The following DAB1 variants were observed in gnomAD, a reference collection of about 807,000 sequenced individuals.
DAB1 encodes DAB adaptor protein 1, also known as disabled homolog 1.
DAB1 carries 15 observed loss-of-function variants against 64.6 expected under a neutral mutation model. That is an observed-to-expected ratio of 0.23 (90% CI 0.16 to 0.36). The LOEUF is 0.36. DAB1 is among the 10% of genes least tolerant of loss of function. The pLI, the probability that DAB1 is intolerant of heterozygous loss-of-function variation, is 1.00. For missense variants in DAB1, 596 were observed against 706.7 expected (o/e 0.84, Z 1.78); for synonymous variants, 235 against 251.9 (o/e 0.93, Z 0.64).
intron 2 of DAB1, among the ~76,000 whole-genome samples, chr1:57,216,685 A>G (rs1557957882): frequency 6.6e-6 from 1 of 152,238 alleles, no homozygotes; most frequent in Non-Finnish European, 1.5e-5. Flanking sequence ...CACTATATTT[A>G]CAATCATCCC....
chr1:58,330,913 A>G (rs948162828), intron 4 of DAB1, among the ~76,000 whole-genome samples: 3 of 152,214 alleles, frequency 2.0e-5, no homozygotes, highest in African/African-American at 7.2e-5. Context: ...ATGCCTGCTA[A>G]CACAACATTC....
intron 1 of DAB1, among the ~76,000 whole-genome samples, chr1:57,322,676 T>C (rs1675816913): frequency 6.6e-6 from 1 of 152,186 alleles, no homozygotes; most frequent in Non-Finnish European, 1.5e-5. Context: ...AATTATGCAG[T>C]AGGAGATACT....
At chr1:57,866,596 AG>A (rs1474565282) in intron 1 of DAB1, among the ~76,000 whole-genome samples, 2 of 152,166 alleles carry the variant, frequency 1.3e-5, no homozygotes, top group South Asian at 2.1e-4. Flanking sequence ...TCTAACCCAG[AG>A]GAAGTTATTT....
rs544102823 is a variant in DAB1 at position 57,856,576 on chromosome 1, A to C, written n.87+27423T>G. ...TCAGGAGTTTGAGACCAGCCTGGCC[A>C]ACATGATGAAACCACATCTCTACTA... On this transcript the variant is annotated intron_variant and non_coding_transcript_variant, in intron 1 of 1. Transcript: ENST00000477280. Among the ~76,000 whole-genome samples, 16 of 152,206 alleles carry C rather than the reference A, an allele frequency of 1.1e-4. No individual in the cohort carries two copies. In the East Asian group the frequency reaches 2.5e-3, roughly 24 times the overall value.
chr1:57,403,909 C>A (rs1452230641), intron 1 of DAB1, among the ~76,000 whole-genome samples: 1 of 152,170 alleles, frequency 6.6e-6, no homozygotes, highest in Non-Finnish European at 1.5e-5. Context: ...CTAGTGGCTA[C>A]TATATTGTAC....
intron 2 of DAB1, among the ~76,000 whole-genome samples, chr1:57,279,511 T>A (rs765708692): frequency 6.6e-5 from 10 of 152,188 alleles, no homozygotes; most frequent in Non-Finnish European, 1.0e-4. Context: ...CTCGAATAGA[T>A]AGCTGTATAC....
chr1:58,258,365 C>T (rs559092134), intron 4 of DAB1, among the ~76,000 whole-genome samples: 2 of 152,166 alleles, frequency 1.3e-5, no homozygotes, highest in Non-Finnish European at 1.5e-5. Context: ...CCTTTTAAAC[C>T]GACAGCCTGA....
intron 4 of DAB1, among the ~76,000 whole-genome samples, chr1:58,330,082 A>G (rs1291960032): frequency 6.6e-6 from 1 of 152,244 alleles, no homozygotes; most frequent in Non-Finnish European, 1.5e-5. Flanking sequence ...GCACCAAATG[A>G]TTATCCTACT....
chr1:58,479,080 T>C (rs182026003), intron 3 of DAB1, among the ~76,000 whole-genome samples: 1 of 152,222 alleles, frequency 6.6e-6, no homozygotes, highest in Non-Finnish European at 1.5e-5. Context: ...CTTTCTGACA[T>C]GGTGTCAACT....
At chr1:57,678,261 T>C (rs918814344) in intron 6 of DAB1, among the ~76,000 whole-genome samples, 9 of 152,192 alleles carry the variant, frequency 5.9e-5, no homozygotes, top group African/African-American at 2.2e-4. Context: ...TGAGAGGCAT[T>C]GCAGAGGACC....
intron 1 of DAB1, among the ~76,000 whole-genome samples, chr1:57,370,020 A>G (rs1348071720): frequency 6.6e-6 from 1 of 152,132 alleles, no homozygotes; most frequent in East Asian, 1.9e-4. Flanking sequence ...CTTGAACAGC[A>G]TTCTTCCTGC....
chr1:57,283,226 T>C (rs1025104401), intron 2 of DAB1, among the ~76,000 whole-genome samples: 1 of 152,242 alleles, frequency 6.6e-6, no homozygotes, highest in Admixed American at 6.5e-5. Flanking sequence ...AGTAAATCTT[T>C]GTAGCTTGAC....
intron 5 of DAB1, among the ~76,000 whole-genome samples, chr1:58,009,736 A>T (rs1158473743): frequency 2.6e-5 from 4 of 152,214 alleles, no homozygotes; most frequent in Non-Finnish European, 4.4e-5. Context: ...CCATAGTGGA[A>T]TATTTCCAGG....
Position 58,160,536 on chromosome 1 carries a change from A to G in DAB1, n.310-9948T>C, listed in dbSNP as rs76498322. Among the ~76,000 whole-genome samples the G allele has an allele frequency of 0.012, 1,786 of 152,230 alleles. 173 individuals carry two copies. In the East Asian group the frequency reaches 0.25, roughly 21 times the overall value. On this transcript the variant is annotated intron_variant and non_coding_transcript_variant, in intron 4 of 20. Coordinates refer to the DAB1 transcript ENST00000485760. ...GAACTTGGGCTGAGTTGCAATTCCT[A>G]TGGGGAACAGCCAGATACACACGGG...
intron 1 of DAB1, among the ~76,000 whole-genome samples, chr1:57,392,906 T>G (rs1682502949): frequency 6.6e-6 from 1 of 152,192 alleles, no homozygotes; most frequent in Non-Finnish European, 1.5e-5. Context: ...GAGATTTGAT[T>G]TTCCCAAAAT....
chr1:58,454,609 C>G (rs1207146727), intron 3 of DAB1, among the ~76,000 whole-genome samples: 1 of 152,148 alleles, frequency 6.6e-6, no homozygotes, highest in Non-Finnish European at 1.5e-5. Context: ...AGGGCCACAC[C>G]TCCTTGCTTT....
chr1:57,787,855 T>C (rs981858272), intron 6 of DAB1, among the ~76,000 whole-genome samples: 8 of 151,958 alleles, frequency 5.3e-5, no homozygotes, highest in African/African-American at 1.9e-4. Context: ...AGGAAACAAT[T>C]AAATATGTAC....
intron 5 of DAB1, among the ~76,000 whole-genome samples, chr1:58,130,659 A>G (rs1332567538): frequency 1.3e-5 from 2 of 151,818 alleles, no homozygotes; most frequent in East Asian, 3.9e-4. Context: ...CCTGGTGGTG[A>G]CAAAATCTCT....
chr1:58,274,608 G>C (rs990501287), intron 4 of DAB1, among the ~76,000 whole-genome samples: 2 of 151,316 alleles, frequency 1.3e-5, no homozygotes, highest in East Asian at 2.0e-4. Flanking sequence ...CCCCAGCCTC[G>C]CTGCCGCCTT....
Sources: gnomAD v4.1 joint callset for allele counts (sites outside exome capture counted in the v4.1 genomes callset) on GRCh38, gnomAD v4.1.1 for gene constraint, MANE v1.5 for transcripts, NCBI Gene and HGNC (gene_info 2026-07-23, HGNC 2026-07-21) for gene names.